Variants in SPIRE1 observed in about 807,000 individuals in gnomAD.
The protein encoded by SPIRE1 is protein spire homolog 1.
In SPIRE1, 40 loss-of-function variants were observed where a neutral mutation model predicts 94.1. The observed-to-expected ratio is 0.43, with a 90% confidence interval of 0.33 to 0.55. The LOEUF is 0.55. Ranked by LOEUF, SPIRE1 falls within the 20% of genes least tolerant of loss-of-function variation. The pLI is 0.06. For missense variants in SPIRE1, 838 were observed against 975.2 expected (o/e 0.86, Z 1.87); for synonymous variants, 376 against 371.7 (o/e 1.01, Z -0.13).
chr18:12,525,276 CAAAAAAAA>C (rs1170791088), intron 4 of SPIRE1, among the ~76,000 whole-genome samples: 3 of 71,500 alleles, frequency 4.2e-5, no homozygotes, highest in Non-Finnish European at 8.0e-5. Context: ...GACTCCGTCT[CAAAAAAAA>C]AAAAAAAAAA....
At chr18:12,658,290 T>C, upstream of SPIRE1, 1 of 445,186 alleles carries the variant, frequency 2.2e-6, no homozygotes, top group East Asian at 7.9e-5. Flanking sequence ...TCGCAGGCGG[T>C]GACGCCCGGT....
At chr18:12,487,556 A>C (rs2033082953) in intron 8 of SPIRE1, among the ~76,000 whole-genome samples, 1 of 151,954 alleles carries the variant, frequency 6.6e-6, no homozygotes, top group Non-Finnish European at 1.5e-5. Context: ...CACCAGGCCC[A>C]GCTAATTTTT....
At chr18:12,592,159 A>G (rs1298649659) in intron 2 of SPIRE1, among the ~76,000 whole-genome samples, 2 of 152,062 alleles carry the variant, frequency 1.3e-5, no homozygotes, top group Admixed American at 6.6e-5. Context: ...ATTTAAAACA[A>G]TGAAACCAGA....
chr18:12,619,848 G>GAAA (rs35340668), intron 2 of SPIRE1, among the ~76,000 whole-genome samples: 1,502 of 110,940 alleles, frequency 0.014, 40 homozygotes, highest in African/African-American at 0.038. Context: ...TCTGCCTCAG[G>GAAA]AAAAAAAAAA....
chr18:12,474,010 T>C (rs1014534132), intron 10 of SPIRE1, among the ~76,000 whole-genome samples: 2 of 152,228 alleles, frequency 1.3e-5, no homozygotes, highest in Admixed American at 1.3e-4. Flanking sequence ...CAGTAGGTAT[T>C]ATGGTGGCTA....
rs756677663 is a variant in SPIRE1 at position 12,571,246 on chromosome 18, T to C, written c.373-24342A>G. On this transcript the variant is annotated intron_variant, in intron 2 of 16. Coordinates refer to ENST00000409402, the MANE Select transcript of SPIRE1 (RefSeq NM_001128626.2). ...CCAGCCACTACGCTCGGCTAATTTT[T>C]GTATTTTTAGTAGAGATGAGGTTTC... Among the ~76,000 whole-genome samples, 5 of 152,136 alleles carry C rather than the reference T, an allele frequency of 3.3e-5. 1 individual carries two copies. The South Asian group carries it at 1.0e-3, about 32-fold the overall frequency.
intron 2 of SPIRE1, among the ~76,000 whole-genome samples, chr18:12,626,888 T>TATATATATATATA (rs1567976766): frequency 9.2e-4 from 42 of 45,764 alleles, no homozygotes; most frequent in African/African-American, 2.2e-3. Flanking sequence ...ATATATATAT[T>TATATATATATATA]TTTTTTTTTT....
At chr18:12,572,189 T>C (rs2035974041) in intron 2 of SPIRE1, among the ~76,000 whole-genome samples, 1 of 151,638 alleles carries the variant, frequency 6.6e-6, no homozygotes, top group Non-Finnish European at 1.5e-5. Context: ...AGTGGGGGCT[T>C]GGGGGGGTCA....
At chr18:12,565,677 A>T (rs888519358) in intron 2 of SPIRE1, among the ~76,000 whole-genome samples, 1 of 151,662 alleles carries the variant, frequency 6.6e-6, no homozygotes. Flanking sequence ...CCCGGCCAAG[A>T]CTTTTCAAAC....
chr18:12,524,289 C>G (rs932739474), intron 4 of SPIRE1, among the ~76,000 whole-genome samples: 1 of 152,200 alleles, frequency 6.6e-6, no homozygotes. Context: ...TGGCTCTAAT[C>G]TGGGCATCTA....
chr18:12,551,696 C>T (rs376384575), intron 2 of SPIRE1, among the ~76,000 whole-genome samples: 2 of 150,420 alleles, frequency 1.3e-5, no homozygotes, highest in Non-Finnish European at 3.0e-5. Context: ...AGCGAGACTC[C>T]GTCTCAGAAA....
intron 7 of SPIRE1, among the ~76,000 whole-genome samples, chr18:12,494,556 A>G (rs553479487): frequency 2.9e-4 from 44 of 152,004 alleles, no homozygotes; most frequent in East Asian, 1.4e-3. Flanking sequence ...TCGGCCGGGC[A>G]CGGTGGCTCA....
At chr18:12,530,369 G>A (rs545840462) in intron 4 of SPIRE1, among the ~76,000 whole-genome samples, 1 of 152,050 alleles carries the variant, frequency 6.6e-6, no homozygotes, top group African/African-American at 2.4e-5. Context: ...CCTCCTCCCC[G>A]ATTTTTATGT....
At chr18:12,570,857 TA>T (rs1322546561) in intron 2 of SPIRE1, among the ~76,000 whole-genome samples, 1 of 152,158 alleles carries the variant, frequency 6.6e-6, no homozygotes, top group East Asian at 1.9e-4. Context: ...CCACACCACA[TA>T]AATACAACCA....
intron 2 of SPIRE1, among the ~76,000 whole-genome samples, chr18:12,600,738 T>TC (rs1433547882): frequency 6.6e-6 from 1 of 152,138 alleles, no homozygotes; most frequent in Non-Finnish European, 1.5e-5. Context: ...TCTTTTTTTT[T>TC]CTGAGGTAGG....
intron 2 of SPIRE1, among the ~76,000 whole-genome samples, chr18:12,550,750 C>T (rs2035325702): frequency 6.6e-6 from 1 of 152,308 alleles, no homozygotes; most frequent in African/African-American, 2.4e-5. Flanking sequence ...AACACAAATA[C>T]TAAAATCACA....
intron 3 of SPIRE1, among the ~76,000 whole-genome samples, chr18:12,540,013 A>G (rs1001432100): frequency 1.3e-5 from 2 of 151,998 alleles, no homozygotes; most frequent in South Asian, 2.1e-4. Flanking sequence ...GAGGGGCAAT[A>G]ATGTGGAAAG....
At chr18:12,460,228 G>T (rs933403231) in intron 12 of SPIRE1, among the ~76,000 whole-genome samples, 7 of 152,184 alleles carry the variant, frequency 4.6e-5, no homozygotes, top group Non-Finnish European at 7.3e-5. Context: ...AAGGATAGAG[G>T]CAACTCGTTA....
intron 1 of SPIRE1, chr18:12,653,416 T>C (rs990796918): frequency 2.6e-5 from 4 of 152,204 alleles, no homozygotes; most frequent in East Asian, 1.9e-4. Context: ...ACTTGACATA[T>C]ATTATCCTCA....
Sources: gnomAD v4.1 joint callset for allele counts (sites outside exome capture counted in the v4.1 genomes callset) on GRCh38, gnomAD v4.1.1 for gene constraint, MANE v1.5 for transcripts, NCBI Gene and HGNC (gene_info 2026-07-23, HGNC 2026-07-21) for gene names.